Variants in PPARGC1A observed in about 807,000 individuals in gnomAD.
The protein encoded by PPARGC1A is peroxisome proliferator-activated receptor gamma coactivator 1-alpha.
PPARGC1A carries 25 observed loss-of-function variants against 88.7 expected under a neutral mutation model. The observed-to-expected ratio is 0.28, with a 90% CI of 0.21 to 0.39. PPARGC1A has a LOEUF of 0.39. Among genes scored for constraint, PPARGC1A ranks in the 10% least tolerant of loss-of-function variants. The pLI, the probability that PPARGC1A is intolerant of heterozygous loss-of-function variation, is 1.00. For synonymous variants in PPARGC1A, 363 were observed against 355.6 expected, an observed-to-expected ratio of 1.02 and a Z score of -0.24; for missense variants, 880 against 968.7, an observed-to-expected ratio of 0.91 and a Z score of 1.22.
the PPARGC1A span, among the ~76,000 whole-genome samples, chr4:24,413,378 C>T: frequency 1.3e-5 from 2 of 151,880 alleles, no homozygotes; most frequent in East Asian, 3.9e-4. Flanking sequence ...GGAGCAAGCC[C>T]CAGGGAAGAA....
chr4:23,849,000 C>T (rs1364166227), intron 2 of PPARGC1A, among the ~76,000 whole-genome samples: 1 of 152,000 alleles, frequency 6.6e-6, no homozygotes, highest in Non-Finnish European at 1.5e-5. Context: ...AAAATTTAGC[C>T]GGGCGTGGTA....
the PPARGC1A span, among the ~76,000 whole-genome samples, chr4:23,911,790 A>G: frequency 1.8e-4 from 27 of 152,200 alleles, no homozygotes; most frequent in African/African-American, 6.0e-4. Context: ...TTGTGGAAAG[A>G]ACCCTTAACA....
the PPARGC1A span, among the ~76,000 whole-genome samples, chr4:24,228,188 T>G: frequency 6.6e-6 from 1 of 152,120 alleles, no homozygotes; most frequent in Non-Finnish European, 1.5e-5. Context: ...GCCATTTGCT[T>G]CTCATGGGCA....
the PPARGC1A span, among the ~76,000 whole-genome samples, chr4:24,299,735 C>T: frequency 6.6e-6 from 1 of 152,146 alleles, no homozygotes; most frequent in Non-Finnish European, 1.5e-5. Context: ...CGACTACAGT[C>T]TTGGGGACCA....
At chr4:24,420,164 A>C in the PPARGC1A span, among the ~76,000 whole-genome samples, 3 of 152,220 alleles carry the variant, frequency 2.0e-5, no homozygotes, top group African/African-American at 7.2e-5. Flanking sequence ...TAAATAATGT[A>C]ATTTGTTTGA....
chr4:24,079,391 A>ATATT, the PPARGC1A span, among the ~76,000 whole-genome samples: 2 of 151,938 alleles, frequency 1.3e-5, no homozygotes, highest in Non-Finnish European at 2.9e-5. Context: ...TTTTTTTCAT[A>ATATT]TATTTATTGG....
At chr4:24,354,191 G>A in the PPARGC1A span, among the ~76,000 whole-genome samples, 21 of 152,198 alleles carry the variant, frequency 1.4e-4, no homozygotes, top group African/African-American at 4.6e-4. Context: ...CCTCTCTCTA[G>A]TCACAGCTAG....
chr4:23,910,627 ATG>A, the PPARGC1A span, among the ~76,000 whole-genome samples: 2 of 150,162 alleles, frequency 1.3e-5, no homozygotes, highest in African/African-American at 4.9e-5. Context: ...TTTAGGAGAC[ATG>A]GGGTTTCACC....
chr4:23,988,200 G>A, the PPARGC1A span, among the ~76,000 whole-genome samples: 1 of 152,014 alleles, frequency 6.6e-6, no homozygotes, highest in Non-Finnish European at 1.5e-5. Flanking sequence ...TGGACATTTG[G>A]GTTGGTTCCA....
chr4:24,058,513 C>T, the PPARGC1A span, among the ~76,000 whole-genome samples: 7 of 152,166 alleles, frequency 4.6e-5, no homozygotes, highest in Non-Finnish European at 1.0e-4. Flanking sequence ...CTCTTCCCAC[C>T]ACATACCCAG....
At chr4:24,349,373 G>A in the PPARGC1A span, among the ~76,000 whole-genome samples, 3 of 152,168 alleles carry the variant, frequency 2.0e-5, no homozygotes, top group African/African-American at 7.2e-5. Context: ...CCAGGATTAT[G>A]TGCCCTTTGT....
At chr4:24,425,397 T>C in the PPARGC1A span, among the ~76,000 whole-genome samples, 1 of 152,238 alleles carries the variant, frequency 6.6e-6, no homozygotes, top group Non-Finnish European at 1.5e-5. Context: ...TATTTTTTAA[T>C]TTACTGCAGC....
chr4:24,265,311 A>C, the PPARGC1A span, among the ~76,000 whole-genome samples: 1 of 151,938 alleles, frequency 6.6e-6, no homozygotes, highest in Non-Finnish European at 1.5e-5. Flanking sequence ...TTCTTTTCCT[A>C]TAAAAAGAAG....
At chr4:24,084,649 G>A in the PPARGC1A span, among the ~76,000 whole-genome samples, 2 of 152,138 alleles carry the variant, frequency 1.3e-5, no homozygotes, top group Admixed American at 6.5e-5. Context: ...CATGTAGAAT[G>A]AAAACAAACA....
At chr4:23,945,700 C>T in the PPARGC1A span, among the ~76,000 whole-genome samples, 1 of 152,188 alleles carries the variant, frequency 6.6e-6, no homozygotes, top group African/African-American at 2.4e-5. Flanking sequence ...GTGATAGGCA[C>T]AAAGCCTGCC....
the PPARGC1A span, among the ~76,000 whole-genome samples, chr4:24,253,982 C>T: frequency 6.6e-6 from 1 of 152,330 alleles, no homozygotes; most frequent in South Asian, 2.1e-4. Context: ...AAATATCTTA[C>T]TATCTGCCAA....
chr4:24,225,498 C>T, the PPARGC1A span, among the ~76,000 whole-genome samples: 1 of 151,650 alleles, frequency 6.6e-6, no homozygotes, highest in Admixed American at 6.6e-5. Flanking sequence ...CCACTGCACT[C>T]CAGCCTGGGT....
chr4:23,993,468 T>A, the PPARGC1A span, among the ~76,000 whole-genome samples: 1 of 152,202 alleles, frequency 6.6e-6, no homozygotes, highest in South Asian at 2.1e-4. Context: ...GTGAGATTAA[T>A]GGTTAAAAAC....
chr4:24,041,604 T>C, the PPARGC1A span, among the ~76,000 whole-genome samples: 1 of 152,194 alleles, frequency 6.6e-6, no homozygotes, highest in Non-Finnish European at 1.5e-5. Flanking sequence ...AACCCAGTGG[T>C]TCTTTGCCTG....
Sources: allele counts gnomAD v4.1 joint callset (sites outside exome capture counted in the v4.1 genomes callset), GRCh38; gene constraint gnomAD v4.1.1; transcripts MANE v1.5; gene names NCBI Gene and HGNC (gene_info 2026-07-23, HGNC 2026-07-21).